C8orf34: variants seen among roughly 807,000 people sequenced by gnomAD.
C8orf34 encodes chromosome 8 open reading frame 34.
C8orf34 carries 65 observed loss-of-function variants against 68.3 expected under a neutral mutation model. The observed-to-expected ratio is 0.95, with a 90% CI of 0.78 to 1.17. C8orf34 has a LOEUF of 1.17. Ranked by LOEUF, C8orf34 falls within the 50% of genes most tolerant of loss-of-function variation. The pLI is 0.00. For synonymous variants in C8orf34, 244 were observed against 241.2 expected, an observed-to-expected ratio of 1.01 and a Z score of -0.11; for missense variants, 664 against 655.4, an observed-to-expected ratio of 1.01 and a Z score of -0.14.
At chr8:68,571,790 G>C (rs1003647844) in intron 7 of C8orf34, among the ~76,000 whole-genome samples, 1 of 152,112 alleles carries the variant, frequency 6.6e-6, no homozygotes, top group Non-Finnish European at 1.5e-5. Context: ...ATATGAACAC[G>C]GTGACTGAGC....
chr8:68,813,303 G>C (rs1299324074), intron 12 of C8orf34, among the ~76,000 whole-genome samples: 1 of 152,050 alleles, frequency 6.6e-6, no homozygotes, highest in Non-Finnish European at 1.5e-5. Flanking sequence ...GAATGCCTAA[G>C]TGATTTCCAT....
chr8:68,691,476 A>C (rs559280221), intron 8 of C8orf34, among the ~76,000 whole-genome samples: 10 of 152,228 alleles, frequency 6.6e-5, no homozygotes, highest in African/African-American at 2.2e-4. Context: ...CAGAACCCAC[A>C]TTATCTACAA....
chr8:68,625,182 GTT>G (rs1339896836), intron 7 of C8orf34, among the ~76,000 whole-genome samples: 5 of 152,138 alleles, frequency 3.3e-5, no homozygotes, highest in Non-Finnish European at 7.4e-5. Flanking sequence ...GGCTTCTGGG[GTT>G]GAGAAGGGAG....
chr8:68,512,706 G>C (rs1321120349), intron 5 of C8orf34, among the ~76,000 whole-genome samples: 2 of 150,628 alleles, frequency 1.3e-5, no homozygotes, highest in Non-Finnish European at 2.9e-5. Context: ...TGAACTTTTA[G>C]CTTTTCCTAT....
At chr8:68,541,092 A>G (rs1815683619) in intron 7 of C8orf34, among the ~76,000 whole-genome samples, 1 of 152,158 alleles carries the variant, frequency 6.6e-6, no homozygotes, top group African/African-American at 2.4e-5. Flanking sequence ...TGGAATTAAT[A>G]ACAATACTCA....
chr8:68,528,162 C>T (rs1815093231), intron 6 of C8orf34, among the ~76,000 whole-genome samples: 2 of 152,310 alleles, frequency 1.3e-5, no homozygotes, highest in South Asian at 4.1e-4. Context: ...TCAACATCAT[C>T]GGTGATCCTT....
At chr8:68,430,265 C>A (rs1458864574) in intron 1 of C8orf34, among the ~76,000 whole-genome samples, 2 of 152,112 alleles carry the variant, frequency 1.3e-5, no homozygotes, top group African/African-American at 4.8e-5. Context: ...GATGGTGCAC[C>A]CCGACCCCAC....
At chr8:68,803,582 T>A (rs1824395256) in intron 12 of C8orf34, among the ~76,000 whole-genome samples, 1 of 152,052 alleles carries the variant, frequency 6.6e-6, no homozygotes, top group Non-Finnish European at 1.5e-5. Flanking sequence ...AGGTCAGGGA[T>A]GACCTAAAAG....
At chr8:68,710,880 CA>C (rs2130968145) in intron 9 of C8orf34, among the ~76,000 whole-genome samples, 1 of 152,284 alleles carries the variant, frequency 6.6e-6, no homozygotes, top group Admixed American at 6.5e-5. Flanking sequence ...GCACACTAAA[CA>C]AAAACATAAC....
intron 1 of C8orf34, among the ~76,000 whole-genome samples, chr8:68,352,455 A>G (rs1806551912): frequency 6.6e-6 from 1 of 152,074 alleles, no homozygotes; most frequent in South Asian, 2.1e-4. Flanking sequence ...GCTAAACAAT[A>G]ATTTTTATAG....
At chr8:68,541,324 G>A (rs571830761) in intron 7 of C8orf34, among the ~76,000 whole-genome samples, 10 of 151,932 alleles carry the variant, frequency 6.6e-5, no homozygotes, top group Admixed American at 1.3e-4. Context: ...AAATTACTTA[G>A]GTGTGGTGGT....
chr8:68,375,949 C>A (rs1428976705), intron 1 of C8orf34, among the ~76,000 whole-genome samples: 1 of 152,156 alleles, frequency 6.6e-6, no homozygotes, highest in Non-Finnish European at 1.5e-5. Flanking sequence ...TCTCTACTTC[C>A]TTCCATCAAC....
chr8:68,515,673 T>C (rs1814480111), intron 5 of C8orf34, among the ~76,000 whole-genome samples: 2 of 152,224 alleles, frequency 1.3e-5, no homozygotes, highest in Admixed American at 1.3e-4. Context: ...ATATTACAGT[T>C]TTAATGTATT....
At chr8:68,380,401 A>C (rs1807983515) in intron 1 of C8orf34, among the ~76,000 whole-genome samples, 1 of 152,246 alleles carries the variant, frequency 6.6e-6, no homozygotes, top group Non-Finnish European at 1.5e-5. Context: ...CTAGCATTTA[A>C]TTATGCTTAA....
At chr8:68,416,512 C>CATTTATTT (rs3057630) in intron 1 of C8orf34, among the ~76,000 whole-genome samples, 827 of 146,026 alleles carry the variant, frequency 5.7e-3, no homozygotes, top group Admixed American at 7.9e-3. Context: ...ATTAAACATA[C>CATTTATTT]ATTTATTTAT....
At chr8:68,794,506 T>TATATATA (rs58048066) in intron 12 of C8orf34, among the ~76,000 whole-genome samples, 3 of 58,986 alleles carry the variant, frequency 5.1e-5, no homozygotes, top group Admixed American at 1.8e-4. Flanking sequence ...TATATATATA[T>TATATATA]TTTTTTTTTT....
intron 1 of C8orf34, among the ~76,000 whole-genome samples, chr8:68,416,931 T>C (rs543370830): frequency 7.2e-5 from 11 of 152,300 alleles, no homozygotes; most frequent in African/African-American, 2.6e-4. Flanking sequence ...TGTATTTAAG[T>C]ATTACACCAT....
At chr8:68,658,566 C>T (rs1819578446) in intron 8 of C8orf34, among the ~76,000 whole-genome samples, 2 of 152,120 alleles carry the variant, frequency 1.3e-5, no homozygotes. Context: ...GGTGTCCTGC[C>T]ACTTTCTCTT....
At chr8:68,467,928 A>T (rs564503486) in intron 3 of C8orf34, among the ~76,000 whole-genome samples, 95 of 152,016 alleles carry the variant, frequency 6.2e-4, no homozygotes, top group African/African-American at 2.2e-3. Flanking sequence ...CCATTTTTTA[A>T]AAAAAATATG....
Sources: allele counts gnomAD v4.1 joint callset (sites outside exome capture counted in the v4.1 genomes callset), GRCh38; gene constraint gnomAD v4.1.1; transcripts MANE v1.5; gene names NCBI Gene and HGNC (gene_info 2026-07-23, HGNC 2026-07-21).